PIP5KL1: variants seen among roughly 807,000 people sequenced by gnomAD.
The protein encoded by PIP5KL1 is phosphatidylinositol-4-phosphate 5-kinase like 1.
PIP5KL1 carries 45 observed loss-of-function variants against 47.6 expected under a neutral mutation model. That is an observed-to-expected ratio of 0.94 (90% CI 0.74 to 1.21). The LOEUF (loss-of-function observed/expected upper bound fraction) is 1.21. Among genes scored for constraint, PIP5KL1 ranks in the 50% most tolerant of loss-of-function variants. PIP5KL1 has a pLI of 0.00. For missense variants in PIP5KL1, 577 were observed against 547.6 expected, an observed-to-expected ratio of 1.05 and a Z score of -0.54; for synonymous variants, 256 against 234.6, an observed-to-expected ratio of 1.09 and a Z score of -0.84.
chr9:127,921,866 ACCCACT>A lies in PIP5KL1; in HGVS notation c.1160_1165del (p.Gln387_Val389delinsLeu). 1 of 1,574,428 alleles carries A rather than the reference ACCCACT, an allele frequency of 6.4e-7. No individual in the cohort carries two copies. The highest frequency in any genetic ancestry group is 8.6e-7 in the Non-Finnish European group (1 of 1,165,226). ...CGCCCGTCACTCCGTGTGCGCCTCC[ACCCACT>A]GGCAGAGGCGACGGGCGTAGCGAGC... On this transcript the variant is annotated inframe_deletion, in exon 10 of 10. Transcript: ENST00000388747.
chr9:127,925,272 T>C lies in PIP5KL1; in HGVS notation c.764-12A>G, dbSNP rs113120035. 5.4e-3 allele frequency: 8,740 copies of C among 1,610,424 alleles called. 34 individuals are homozygous for C. Among genetic ancestry groups the C allele is most frequent in the Middle Eastern group, 9.6e-3 (57 of 5,924 alleles). The stretch of plus-strand genomic sequence containing the variant: ...GCTCCGCTGGGGCCCTGCCGGAGCA[T>C]CAGTGCCCCCACCTGAGCGCTCATC... On this transcript the variant is annotated splice_polypyrimidine_tract_variant and intron_variant, in intron 8 of 9. Coordinates refer to ENST00000388747, the MANE Select transcript of PIP5KL1 (RefSeq NM_001135219.2).
Position 127,927,457 on chromosome 9 carries a change from C to A in PIP5KL1, c.560-126G>T. 6.7e-7 allele frequency: 1 copy of A among 1,484,642 alleles called. No homozygotes were observed. Among genetic ancestry groups the A allele is most frequent in the Admixed American group, 2.2e-5 (1 of 45,934 alleles). 92.0% of individuals were successfully genotyped at this position (1,484,642 alleles called of 1,614,324 possible). A position where few individuals can be genotyped will look rare whatever the true frequency, so the allele number is the denominator to read the frequency against. ...CCGCGGCACCTGGACCCTTCCTTGG[C>A]TGGTCCGGATCCCGACCCGATCCCA... On this transcript the variant is annotated intron_variant, in intron 5 of 9. Coordinates refer to ENST00000388747, the MANE Select transcript of PIP5KL1 (RefSeq NM_001135219.2). The surrounding 1 kb of genome is among the most constrained non-coding windows in gnomAD (Gnocchi z 5.5).
At chr9:127,924,341 T>C (rs570785887) in intron 9 of PIP5KL1, among the ~76,000 whole-genome samples, 37 of 152,076 alleles carry the variant, frequency 2.4e-4, no homozygotes, top group Non-Finnish European at 4.4e-4. Context: ...AATACAAAAA[T>C]TAGCCGGGCA....
rs200718757 is a variant in PIP5KL1, at chr9:127,925,861, G to T, written c.763+6C>A. On this transcript the variant is annotated splice_donor_region_variant and intron_variant, in intron 8 of 9. Transcript: ENST00000388747. ...GGAACAGGCAGTGGCCACCCCCGTG[G>T]CTCACCCAGGTTGATGGTCTTGCCC... The T allele has an allele frequency of 7.6e-5, 123 of 1,611,074 alleles. No homozygotes were observed. The African/African-American group carries it at 1.3e-3, about 16-fold the overall frequency.
intron 4 of PIP5KL1, 44 bp downstream of exon 4, chr9:127,928,020 AG>A: frequency 6.7e-7 from 1 of 1,481,724 alleles, no homozygotes; most frequent in Non-Finnish European, 9.0e-7. Context: ...CCTCCCAGCC[AG>A]GGGTACCACT....
chr9:127,927,705 GC>G lies in PIP5KL1; in HGVS notation c.501del (p.Arg169AlafsTer57). The G allele has an allele frequency of 6.5e-7, 1 of 1,548,716 alleles. No homozygotes were observed. Reference sequence around the variant, plus strand: ...CGCTGCAGGTGCTGCACGTAGCGGGGCAGGTGGGCGAGCAGAGCCTGCACCT... The same window carrying G: ...CGCTGCAGGTGCTGCACGTAGCGGGGAGGTGGGCGAGCAGAGCCTGCACCT... The part of the protein sequence containing the change: ...RREVQALLAH[L>X]PRYVQHLQRH... On this transcript the variant is annotated frameshift_variant, in exon 5 of 10. Coordinates refer to ENST00000388747, the MANE Select transcript of PIP5KL1 (RefSeq NM_001135219.2). LOFTEE classifies it high-confidence loss of function. This position sits in a 1 kb window ranked among gnomAD's most constrained non-coding sequence, Gnocchi z 5.5.
Position 127,924,979 on chromosome 9 carries a change from C to T in PIP5KL1, c.917+128G>A, listed in dbSNP as rs1315182642. 9 of 1,320,140 alleles carry T rather than the reference C, an allele frequency of 6.8e-6. No homozygotes were observed. In the East Asian group the frequency reaches 2.1e-4, roughly 31 times the overall value. 81.8% of individuals were successfully genotyped at this position (1,320,140 alleles called of 1,614,324 possible). ...ACGCGCGCACACGCACACACACACA[C>T]AAACTCTGCACTTTCCAGCCTTCAT... On this transcript the variant is annotated intron_variant, in intron 9 of 9. Coordinates refer to ENST00000388747, the MANE Select transcript of PIP5KL1 (RefSeq NM_001135219.2).
Position 127,929,699 on chromosome 9 carries a change from G to C in PIP5KL1, c.217C>G (p.His73Asp). 6.4e-7 allele frequency: 1 copy of C among 1,572,328 alleles called. No homozygotes were observed. The highest frequency in any genetic ancestry group is 8.7e-7 in the Non-Finnish European group (1 of 1,155,642). The part of the protein sequence containing the change: ...LWAATQVSMD[H>D]PPTGPPSRDD... ...GATGGGCCACTCACCGTGGGTGGGT[G>C]GTCCATGGAGACCTGGGTGGCAGCC... is the stretch of plus-strand genomic sequence containing the variant. The change falls in exon 2 of 10, where the codon CAC (histidine) becomes GAC (aspartate). Residue 73 changes from histidine to aspartate, a missense_variant. Coordinates refer to ENST00000388747, the MANE Select transcript of PIP5KL1 (RefSeq NM_001135219.2). The surrounding 1 kb of genome is among the most constrained non-coding windows in gnomAD (Gnocchi z 4.0).
intron 7 of PIP5KL1, among the ~76,000 whole-genome samples, chr9:127,926,525 G>A (rs1396146049): frequency 6.6e-6 from 1 of 152,246 alleles, no homozygotes; most frequent in Non-Finnish European, 1.5e-5. Flanking sequence ...CAAAAGTGCT[G>A]TGATTACAAG....
In PIP5KL1 at chr9:127,929,572, T is replaced by A. The variant is rs1288780723; in HGVS notation, c.228+116A>T. On this transcript the variant is annotated intron_variant, in intron 2 of 9. Transcript: ENST00000388747. The surrounding 1 kb of genome is among the most constrained non-coding windows in gnomAD (Gnocchi z 4.0). The stretch of plus-strand genomic sequence containing the variant: ...ACCACAATGTTCCTCCCTCTCTGCC[T>A]TCCTCCCCTTGATATCCCTCTCTGA... 6.3e-6 allele frequency: 7 copies of A among 1,118,080 alleles called. No homozygotes were observed. The highest frequency in any genetic ancestry group is 7.5e-6 in the Non-Finnish European group (6 of 799,936). The allele number at this position is 1,118,080 out of a possible 1,614,324, so 69.3% of individuals were successfully genotyped here.
chr9:127,930,688 T>C (rs1470523686), intron 1 of PIP5KL1, 35 bp downstream of exon 1: 1 of 1,539,608 alleles, frequency 6.5e-7, no homozygotes. Flanking sequence ...CCACCAACCC[T>C]TCCCTCTCCT....
Position 127,927,638 on chromosome 9 carries a change from A to T in PIP5KL1, c.559+10T>A. 8.4e-7 allele frequency: 1 copy of T among 1,190,096 alleles called. No homozygotes were observed. Among genetic ancestry groups the T allele is most frequent in the Non-Finnish European group, 1.1e-6 (1 of 952,348 alleles). 73.7% of individuals were successfully genotyped at this position (1,190,096 alleles called of 1,614,324 possible). Reference sequence around the variant, plus strand: ...CCCGCCCCCACCGAGCCCCGCCCCCAGCCAAGTACCCAGCAACCGCGCCAG... The same window carrying T: ...CCCGCCCCCACCGAGCCCCGCCCCCTGCCAAGTACCCAGCAACCGCGCCAG... On this transcript the variant is annotated intron_variant, in intron 5 of 9. Coordinates refer to ENST00000388747, the MANE Select transcript of PIP5KL1 (RefSeq NM_001135219.2). This position sits in a 1 kb window ranked among gnomAD's most constrained non-coding sequence, Gnocchi z 5.5.
intron 9 of PIP5KL1, among the ~76,000 whole-genome samples, chr9:127,923,655 C>T (rs2131635351): frequency 6.6e-6 from 1 of 152,354 alleles, no homozygotes; most frequent in East Asian, 1.9e-4. Flanking sequence ...CCAAGTCTCA[C>T]CCATACCAAG....
At chr9:127,922,945 G>A (rs1352794498) in intron 9 of PIP5KL1, among the ~76,000 whole-genome samples, 3 of 152,096 alleles carry the variant, frequency 2.0e-5, no homozygotes, top group Admixed American at 6.6e-5. Context: ...TAGCTTTTGC[G>A]TCACACAGAC....
chr9:127,923,414 T>A (rs1268403384), intron 9 of PIP5KL1, among the ~76,000 whole-genome samples: 1 of 152,202 alleles, frequency 6.6e-6, no homozygotes, highest in African/African-American at 2.4e-5. Context: ...GGGGTGGGGC[T>A]GGGACAGCCA....
intron 9 of PIP5KL1, among the ~76,000 whole-genome samples, chr9:127,923,193 C>A (rs949879580): frequency 2.6e-5 from 4 of 152,250 alleles, no homozygotes; most frequent in African/African-American, 9.6e-5. Flanking sequence ...AATTCCCTAA[C>A]TTTGTCCTCA....
intron 9 of PIP5KL1, among the ~76,000 whole-genome samples, chr9:127,924,399 A>G (rs58440328): frequency 0.018 from 2,721 of 152,000 alleles, 79 homozygotes; most frequent in African/African-American, 0.062. Context: ...CTGAGGCAGG[A>G]AGAACTGCTT....
intron 2 of PIP5KL1, 116 bp from the exon 3 acceptor site, chr9:127,928,599 A>C: frequency 8.8e-7 from 1 of 1,137,980 alleles, no homozygotes. Flanking sequence ...GGATTCCTTC[A>C]GCAAACCGGG....
chr9:127,923,457 A>T (rs1407015549), intron 9 of PIP5KL1, among the ~76,000 whole-genome samples: 1 of 152,258 alleles, frequency 6.6e-6, no homozygotes, highest in Non-Finnish European at 1.5e-5. Context: ...CAACAATTCC[A>T]TGCAAACCAG....
Sources: allele counts gnomAD v4.1 joint callset (sites outside exome capture counted in the v4.1 genomes callset), GRCh38; gene constraint gnomAD v4.1.1; non-coding constraint Gnocchi (gnomAD v3.1); transcripts MANE v1.5; gene names NCBI Gene and HGNC (gene_info 2026-07-23, HGNC 2026-07-21).